RALGAPA1: variants seen among roughly 807,000 people sequenced by gnomAD.
RALGAPA1 encodes the protein ral GTPase-activating protein subunit alpha-1.
Under a neutral mutation model 269.6 loss-of-function variants are expected in RALGAPA1, and 52 were observed. The observed-to-expected ratio is 0.19, with a 90% CI of 0.15 to 0.24. RALGAPA1 has a LOEUF of 0.24. Ranked by LOEUF, RALGAPA1 falls within the 10% of genes least tolerant of loss-of-function variation. RALGAPA1 has a pLI of 1.00. For missense variants in RALGAPA1, 1,917 were observed against 3,013.9 expected, an observed-to-expected ratio of 0.64 and a Z score of 8.52; for synonymous variants, 817 against 1,008.3, an observed-to-expected ratio of 0.81 and a Z score of 3.60.
At chr14:35,767,130 C>CA (rs769984094) in intron 4 of RALGAPA1, 15 of 201,200 alleles carry the variant, frequency 7.5e-5, no homozygotes, top group Non-Finnish European at 1.5e-4. Context: ...ATATATCATG[C>CA]AAAATTTTTA....
intron 21 of RALGAPA1, among the ~76,000 whole-genome samples, chr14:35,681,759 C>T (rs1050366544): frequency 9.2e-5 from 14 of 152,224 alleles, no homozygotes; most frequent in South Asian, 6.2e-4. Context: ...AAAACAGTTC[C>T]ATCACCATAA....
At chr14:35,547,753 A>G (rs2054579828) in intron 41 of RALGAPA1, among the ~76,000 whole-genome samples, 1 of 152,132 alleles carries the variant, frequency 6.6e-6, no homozygotes, top group South Asian at 2.1e-4. Context: ...CTCTTTCAAA[A>G]GATTCAACCT....
chr14:35,691,495 A>C (rs1338558633), intron 17 of RALGAPA1, among the ~76,000 whole-genome samples: 1 of 152,228 alleles, frequency 6.6e-6, no homozygotes, highest in Non-Finnish European at 1.5e-5. Flanking sequence ...CAGAACTATA[A>C]CTGAACAATC....
intron 4 of RALGAPA1, among the ~76,000 whole-genome samples, chr14:35,768,796 G>C (rs939524478): frequency 6.6e-6 from 1 of 151,622 alleles, no homozygotes; most frequent in Non-Finnish European, 1.5e-5. Context: ...ATCACCCGAG[G>C]TCGGGAGTTC....
chr14:35,584,294 C>T (rs368452364), intron 37 of RALGAPA1, among the ~76,000 whole-genome samples: 31 of 152,076 alleles, frequency 2.0e-4, no homozygotes, highest in African/African-American at 6.8e-4. Context: ...AGACAGATCT[C>T]ACTTTGTCAC....
intron 16 of RALGAPA1, among the ~76,000 whole-genome samples, chr14:35,714,486 CT>C (rs1348863621): frequency 6.6e-6 from 1 of 152,018 alleles, no homozygotes; most frequent in African/African-American, 2.4e-5. Flanking sequence ...GTCTTTTTAC[CT>C]TATATTTTTA....
chr14:35,797,351 C>CAAAGAAAAAAAAAAA (rs2076644435), intron 1 of RALGAPA1, among the ~76,000 whole-genome samples: 1 of 60,134 alleles, frequency 1.7e-5, no homozygotes. Context: ...GACTCCGTCT[C>CAAAGAAAAAAAAAAA]AAAAAAAAAA....
intron 1 of RALGAPA1, among the ~76,000 whole-genome samples, chr14:35,799,540 C>A (rs1247282991): frequency 1.4e-5 from 2 of 145,188 alleles, no homozygotes; most frequent in East Asian, 2.0e-4. Flanking sequence ...CCAGCCTGGG[C>A]AACAGAGCGA....
intron 37 of RALGAPA1, among the ~76,000 whole-genome samples, chr14:35,589,220 C>T (rs1312313500): frequency 6.6e-6 from 1 of 152,070 alleles, no homozygotes; most frequent in Non-Finnish European, 1.5e-5. Flanking sequence ...TCATTATATG[C>T]CATTTTCCTT....
chr14:35,599,784 C>T (rs1410820099), intron 36 of RALGAPA1, among the ~76,000 whole-genome samples: 1 of 151,998 alleles, frequency 6.6e-6, no homozygotes, highest in Non-Finnish European at 1.5e-5. Flanking sequence ...AAACAAAAAA[C>T]AGATTCTGAG....
intron 33 of RALGAPA1, among the ~76,000 whole-genome samples, chr14:35,633,113 C>T (rs1253451599): frequency 6.6e-6 from 1 of 152,086 alleles, no homozygotes; most frequent in African/African-American, 2.4e-5. Flanking sequence ...GATATTGGCA[C>T]AGTAAATTTT....
At chr14:35,571,630 C>T (rs569018159) in intron 38 of RALGAPA1, among the ~76,000 whole-genome samples, 227 of 152,164 alleles carry the variant, frequency 1.5e-3, no homozygotes, top group African/African-American at 4.9e-3. Flanking sequence ...GCCGAGATTG[C>T]GCCACCGCAC....
In RALGAPA1 at chr14:35,750,668, C is replaced by T; in HGVS notation, c.825G>A (p.Lys275=). The T allele has an allele frequency of 1.2e-6, 2 of 1,612,212 alleles. No homozygotes were observed. The highest frequency in any genetic ancestry group is 1.7e-6 in the Non-Finnish European group (2 of 1,179,014). The change falls in exon 9 of 42, where the codon AAG becomes AAA. Residue 275 remains lysine, a synonymous_variant. Coordinates refer to ENST00000680220, the MANE Select transcript of RALGAPA1 (RefSeq NM_001346249.2). ...PILDIPQMRP[K]PHYVVIKKDA... ...CTTTCTTTATCACGACATAATGTGG[C>T]TTTGGTCTCATCTGCGGGATGTCTG...
intron 26 of RALGAPA1, among the ~76,000 whole-genome samples, chr14:35,667,467 A>G (rs1182524823): frequency 1.3e-5 from 2 of 152,188 alleles, no homozygotes; most frequent in African/African-American, 4.8e-5. Context: ...CCTGGCATTC[A>G]AGGCCTTTCC....
At chr14:35,609,385 C>T (rs1242429725) in intron 35 of RALGAPA1, among the ~76,000 whole-genome samples, 1 of 151,892 alleles carries the variant, frequency 6.6e-6, no homozygotes, top group Admixed American at 6.5e-5. Context: ...TAACAATTTA[C>T]TCCTAAATTA....
chr14:35,561,822 G>A lies in RALGAPA1; in HGVS notation c.7496+8795C>T, dbSNP rs889567630. On this transcript the variant is annotated intron_variant, in intron 39 of 41. Coordinates refer to ENST00000680220, the MANE Select transcript of RALGAPA1 (RefSeq NM_001346249.2). Reference sequence around the variant, plus strand: ...TGTAATACCTAGTTACAGCCACCGCGGCTGGCTGAATACAGGAGATTTAAA... The same window carrying A: ...TGTAATACCTAGTTACAGCCACCGCAGCTGGCTGAATACAGGAGATTTAAA... 3.9e-5 allele frequency among the ~76,000 whole-genome samples: 6 copies of A among 152,058 alleles called. No individual in the cohort carries two copies. The South Asian group carries it at 8.3e-4, about 21-fold the overall frequency.
chr14:35,769,035 AATATATATATATATATAT>A (rs200538547), intron 4 of RALGAPA1, among the ~76,000 whole-genome samples: 20 of 58,310 alleles, frequency 3.4e-4, no homozygotes, highest in African/African-American at 1.4e-3. Flanking sequence ...AAAAAAAAAA[AATATATATATATATATAT>A]ATATATATAT....
intron 26 of RALGAPA1, among the ~76,000 whole-genome samples, chr14:35,668,307 A>G (rs2064120087): frequency 6.6e-6 from 1 of 151,988 alleles, no homozygotes; most frequent in Admixed American, 6.5e-5. Flanking sequence ...AAATGGTGAA[A>G]CCTCGTCTCT....
chr14:35,652,146 T>C (rs1217618883), intron 30 of RALGAPA1, among the ~76,000 whole-genome samples: 1 of 152,078 alleles, frequency 6.6e-6, no homozygotes, highest in Non-Finnish European at 1.5e-5. Context: ...AGGGGGTAAA[T>C]CACTATGTAC....
Sources: gnomAD v4.1 joint callset for allele counts (sites outside exome capture counted in the v4.1 genomes callset) on GRCh38, gnomAD v4.1.1 for gene constraint, MANE v1.5 for transcripts, NCBI Gene and HGNC (gene_info 2026-07-23, HGNC 2026-07-21) for gene names.